ALKBH1: variants seen among roughly 807,000 people sequenced by gnomAD.
ALKBH1 encodes nucleic acid dioxygenase ALKBH1.
In ALKBH1, 31 loss-of-function variants were observed where a neutral mutation model predicts 36.6. The ratio of observed to expected loss-of-function variants is 0.85; its 90% CI spans 0.64 to 1.14. The LOEUF is 1.14. ALKBH1 is among the 50% of genes most tolerant of loss of function. The pLI is 0.00. For synonymous variants in ALKBH1, 183 were observed against 186.6 expected (o/e 0.98, Z 0.16); for missense variants, 490 against 497.3 (o/e 0.99, Z 0.14).
intron 5 of ALKBH1, 47 bp from the exon 6 acceptor site, chr14:77,674,288 T>C: frequency 6.8e-7 from 1 of 1,473,726 alleles, no homozygotes; most frequent in South Asian, 1.4e-5. Flanking sequence ...AGTATAAATT[T>C]TGTTTATTAA....
intron 2 of ALKBH1, among the ~76,000 whole-genome samples, chr14:77,702,348 G>A (rs1160700096): frequency 6.6e-6 from 1 of 151,990 alleles, no homozygotes; most frequent in African/African-American, 2.4e-5. Context: ...GTTGAAAGGT[G>A]AGGAGCGGCC....
At chr14:77,702,101 C>G (rs1203177012) in intron 2 of ALKBH1, among the ~76,000 whole-genome samples, 1 of 152,162 alleles carries the variant, frequency 6.6e-6, no homozygotes, top group African/African-American at 2.4e-5. Context: ...GAGTTCAAGA[C>G]CAGCCTGACC....
intron 2 of ALKBH1, among the ~76,000 whole-genome samples, chr14:77,699,777 T>C (rs200519709): frequency 3.0e-4 from 45 of 152,200 alleles, no homozygotes; most frequent in East Asian, 1.2e-3. Flanking sequence ...AGGTTCTGGC[T>C]GGGCGCGGTG....
chr14:77,697,399 G>T, intron 2 of ALKBH1: 1 of 166,308 alleles, frequency 6.0e-6, no homozygotes, highest in Non-Finnish European at 1.3e-5. Context: ...AGCTGCACAT[G>T]CTCGCAGTCC....
intron 2 of ALKBH1, among the ~76,000 whole-genome samples, chr14:77,695,564 C>T (rs963126981): frequency 1.2e-4 from 18 of 152,166 alleles, no homozygotes; most frequent in African/African-American, 4.3e-4. Context: ...AGCCCCAGTT[C>T]CATGTAGTCC....
intron 3 of ALKBH1, 51 bp from the exon 4 acceptor site, chr14:77,680,021 T>C (rs748607638): frequency 9.8e-6 from 14 of 1,423,728 alleles, no homozygotes; most frequent in African/African-American, 8.4e-5. Flanking sequence ...ATGGCAGCAA[T>C]AGCCGTTTGT....
chr14:77,692,486 C>T (rs2080302652), intron 3 of ALKBH1, among the ~76,000 whole-genome samples: 1 of 152,202 alleles, frequency 6.6e-6, no homozygotes, highest in Non-Finnish European at 1.5e-5. Context: ...AGATCCCTTG[C>T]ATGTACAGTT....
At chr14:77,690,072 A>G (rs891610069) in intron 3 of ALKBH1, among the ~76,000 whole-genome samples, 1 of 152,192 alleles carries the variant, frequency 6.6e-6, no homozygotes. Flanking sequence ...TGACTGAATG[A>G]TAAGTGAAGA....
intron 2 of ALKBH1, among the ~76,000 whole-genome samples, chr14:77,703,453 G>A (rs952679037): frequency 2.6e-5 from 4 of 151,690 alleles, no homozygotes; most frequent in African/African-American, 9.7e-5. Flanking sequence ...CACCATGCCC[G>A]GCTAATTTTG....
intron 3 of ALKBH1, chr14:77,683,649 G>T: frequency 3.9e-6 from 1 of 253,710 alleles, no homozygotes; most frequent in Non-Finnish European, 7.7e-6. Flanking sequence ...TCGGCTCACC[G>T]CAGCCTCCAC....
intron 4 of ALKBH1, among the ~76,000 whole-genome samples, chr14:77,679,456 A>T (rs796858520): frequency 6.6e-5 from 10 of 151,644 alleles, no homozygotes; most frequent in African/African-American, 2.4e-4. Flanking sequence ...TCTGAGACAG[A>T]GTCTTGCTCT....
chr14:77,694,336 C>T (rs997407785), intron 3 of ALKBH1, among the ~76,000 whole-genome samples: 4 of 152,150 alleles, frequency 2.6e-5, no homozygotes, highest in East Asian at 1.9e-4. Flanking sequence ...TATCATAAAA[C>T]GGCTAGTACC....
At chr14:77,704,057 A>G (rs1305407512) in intron 2 of ALKBH1, among the ~76,000 whole-genome samples, 1 of 152,218 alleles carries the variant, frequency 6.6e-6, no homozygotes, top group Non-Finnish European at 1.5e-5. Context: ...ATGATAAATT[A>G]TTCTTCACAG....
intron 4 of ALKBH1, among the ~76,000 whole-genome samples, chr14:77,679,227 T>C (rs1348576644): frequency 6.6e-6 from 1 of 152,056 alleles, no homozygotes; most frequent in Non-Finnish European, 1.5e-5. Context: ...TGCTCTTGAA[T>C]GTGGCTTTTG....
chr14:77,685,770 G>C (rs1026961580), intron 3 of ALKBH1, among the ~76,000 whole-genome samples: 13 of 152,046 alleles, frequency 8.6e-5, no homozygotes, highest in Admixed American at 6.6e-5. Flanking sequence ...CCTGTCTCGG[G>C]GGGGAAAAAA....
At chr14:77,699,578 C>T (rs559423313) in intron 2 of ALKBH1, among the ~76,000 whole-genome samples, 1 of 152,250 alleles carries the variant, frequency 6.6e-6, no homozygotes, top group African/African-American at 2.4e-5. Context: ...AACAGAATTT[C>T]AGAGGGGTAA....
At chr14:77,696,574 G>C (rs1437256445) in intron 2 of ALKBH1, 1 of 152,586 alleles carries the variant, frequency 6.6e-6, no homozygotes, top group Non-Finnish European at 1.5e-5. Context: ...TGCTGGCTGA[G>C]AGCATAGGCC....
intron 2 of ALKBH1, among the ~76,000 whole-genome samples, chr14:77,695,621 C>G (rs982057237): frequency 6.6e-6 from 1 of 152,208 alleles, no homozygotes; most frequent in Non-Finnish European, 1.5e-5. Flanking sequence ...TTTTGTTGTT[C>G]TTCTCAGCTG....
At chr14:77,681,320 G>A (rs151182640) in intron 3 of ALKBH1, among the ~76,000 whole-genome samples, 2,364 of 152,236 alleles carry the variant, frequency 0.016, 37 homozygotes, top group Non-Finnish European at 0.025. Context: ...GAATCAGTTG[G>A]GGCTTCTTGG....
Sources: gnomAD v4.1 joint callset for allele counts (sites outside exome capture counted in the v4.1 genomes callset) on GRCh38, gnomAD v4.1.1 for gene constraint, MANE v1.5 for transcripts, NCBI Gene and HGNC (gene_info 2026-07-23, HGNC 2026-07-21) for gene names.